Variants in FAM169A observed in about 807,000 individuals in gnomAD.
FAM169A encodes the protein soluble lamin-associated protein of 75 kDa.
A neutral mutation model predicts 75.7 loss-of-function variants in FAM169A; 24 were observed. The ratio of observed to expected loss-of-function variants is 0.32; its 90% confidence interval spans 0.23 to 0.45. The LOEUF (loss-of-function observed/expected upper bound fraction) is 0.45. Among genes scored for constraint, FAM169A ranks in the 20% least tolerant of loss-of-function variants. The pLI, the probability that FAM169A is intolerant of heterozygous loss-of-function variation, is 1.00. For missense variants in FAM169A, 673 were observed against 784.0 expected, an observed-to-expected ratio of 0.86 and a Z score of 1.69; for synonymous variants, 271 against 271.0, an observed-to-expected ratio of 1.00 and a Z score of 0.00.
chr5:74,836,133 G>A (rs1580144656), intron 4 of FAM169A, among the ~76,000 whole-genome samples: 1 of 152,172 alleles, frequency 6.6e-6, no homozygotes, highest in Non-Finnish European at 1.5e-5. Flanking sequence ...AGACAATGGG[G>A]CTTTTCTATA....
At chr5:74,799,449 C>T in intron 10 of FAM169A, 2 of 1,612,592 alleles carry the variant, frequency 1.2e-6, no homozygotes, top group Non-Finnish European at 1.7e-6. Flanking sequence ...ATTGGCATCC[C>T]AACAATGTTT....
rs1027193737 is a variant in FAM169A, at chr5:74,778,518, T to C, written c.*2942A>G. ...ATGACTAGATGTTTTCCTTACCATC[T>C]ACACTGAATGGAAATACCATGAATA... On this transcript the variant is annotated 3_prime_UTR_variant, in exon 13 of 13. Coordinates refer to ENST00000687041, the MANE Select transcript of FAM169A (RefSeq NM_001376049.1). The C allele has an allele frequency of 2.0e-5, 3 of 152,038 alleles. No homozygotes were observed. The highest frequency in any genetic ancestry group is 1.3e-4 in the Admixed American group (2 of 15,258). 9.4% of individuals were successfully genotyped at this position (152,038 alleles called of 1,614,324 possible).
chr5:74,817,700 C>A (rs1019337405), intron 5 of FAM169A, among the ~76,000 whole-genome samples: 12 of 152,026 alleles, frequency 7.9e-5, no homozygotes, highest in Non-Finnish European at 1.8e-4. Flanking sequence ...GCCCAAATAG[C>A]CAAAATAATC....
At chr5:74,797,538 T>G (rs1746343539) in intron 10 of FAM169A, among the ~76,000 whole-genome samples, 1 of 152,228 alleles carries the variant, frequency 6.6e-6, no homozygotes, top group Admixed American at 6.5e-5. Flanking sequence ...CCCTCCTAGC[T>G]TTGTGCCTTT....
chr5:74,837,628 T>C (rs1030934968), intron 4 of FAM169A, among the ~76,000 whole-genome samples: 3 of 152,248 alleles, frequency 2.0e-5, no homozygotes, highest in African/African-American at 7.2e-5. Flanking sequence ...CAAGTTTTGT[T>C]TTTCTGTGAA....
chr5:74,779,522 A>G lies in FAM169A; in HGVS notation c.*1938T>C, dbSNP rs1745302046. 1 of 152,140 alleles carries G rather than the reference A, an allele frequency of 6.6e-6. No individual in the cohort carries two copies. The allele number at this position is 152,140 out of a possible 1,614,324, so 9.4% of individuals were successfully genotyped here. On this transcript the variant is annotated 3_prime_UTR_variant, in exon 13 of 13. Transcript: ENST00000687041. ...CATGTAAAGATTAAGAATTTACTGA[A>G]TCTTAACAGAGTATTTCCCTTTGTG...
At chr5:74,802,358 G>A (rs972477406) in intron 8 of FAM169A, among the ~76,000 whole-genome samples, 2 of 150,834 alleles carry the variant, frequency 1.3e-5, no homozygotes, top group Admixed American at 6.6e-5. Flanking sequence ...TGATACTTTC[G>A]AATCACAAAT....
chr5:74,813,210 G>A (rs1747296986), intron 6 of FAM169A, among the ~76,000 whole-genome samples: 1 of 152,166 alleles, frequency 6.6e-6, no homozygotes, highest in South Asian at 2.1e-4. Flanking sequence ...TCTTTTTGGA[G>A]TGATAAGAAT....
rs1745381361 is a variant in FAM169A, at chr5:74,780,934, TTC to T, written c.*524_*525del. 1 of 152,314 alleles carries T rather than the reference TTC, an allele frequency of 6.6e-6. No homozygotes were observed. Among genetic ancestry groups the T allele is most frequent in the Admixed American group, 6.5e-5 (1 of 15,294 alleles). The allele number at this position is 152,314 out of a possible 1,614,324, so 9.4% of individuals were successfully genotyped here. On this transcript the variant is annotated 3_prime_UTR_variant, in exon 13 of 13. Coordinates refer to ENST00000687041, the MANE Select transcript of FAM169A (RefSeq NM_001376049.1). ...TCTTCATGAACCTTTGACCGTAAGT[TTC>T]TGTTTTTGTGCTCTCATTTACTTGA... is the stretch of plus-strand genomic sequence containing the variant.
chr5:74,847,806 G>GA (rs1055976462), intron 1 of FAM169A, among the ~76,000 whole-genome samples: 3 of 151,968 alleles, frequency 2.0e-5, no homozygotes, highest in African/African-American at 4.8e-5. Context: ...TTTTTTAACA[G>GA]AAAAAATGAC....
intron 11 of FAM169A, among the ~76,000 whole-genome samples, chr5:74,795,232 T>C (rs1006822825): frequency 4.6e-5 from 7 of 152,160 alleles, no homozygotes; most frequent in Admixed American, 3.9e-4. Flanking sequence ...CACTCCAGCC[T>C]GGGTGCAAAG....
chr5:74,789,191 T>C lies in FAM169A; in HGVS notation c.1261-6057A>G, dbSNP rs547940577. ...CAAGTTATCACACTGGCCCATAACA[T>C]TGATGACATTATGCTGATTGGATCC... On this transcript the variant is annotated intron_variant, in intron 11 of 12. Coordinates refer to ENST00000687041, the MANE Select transcript of FAM169A (RefSeq NM_001376049.1). Among the ~76,000 whole-genome samples the C allele has an allele frequency of 6.6e-5, 10 of 152,328 alleles. No homozygotes were observed. In the East Asian group the frequency reaches 1.7e-3, roughly 26 times the overall value.
At chr5:74,801,119 T>C in intron 9 of FAM169A, 89 bp from the exon 10 acceptor site, 2 of 976,632 alleles carry the variant, frequency 2.0e-6, no homozygotes, top group Non-Finnish European at 2.9e-6. Context: ...AGAACTACAC[T>C]AGTTTACACA....
At chr5:74,822,661 G>T (rs1002133475) in intron 5 of FAM169A, among the ~76,000 whole-genome samples, 1 of 152,058 alleles carries the variant, frequency 6.6e-6, no homozygotes, top group African/African-American at 2.4e-5. Context: ...TCTCATCCAC[G>T]CTGTAAAATT....
At position 74,781,891 on chromosome 5, in the gene FAM169A, C is replaced by T; in HGVS notation, c.1582G>A (p.Asp528Asn). ...TCATTTGACATAGTAGCAACATTGT[C>T]TGAACTCCCAAGATGTGCTTTCTTT... ...PRKKAHLGSS[D>N]NVATMSNEER... Residue 528 changes from aspartate to asparagine, a missense_variant, in exon 13 of 13, where the codon GAC becomes AAC. By Grantham distance (23) the Asp-to-Asn change is conservative. Around this residue, in one of 3 missense-constraint regions of FAM169A, gnomAD observed 510 missense variants for 550.9 expected, o/e 0.93. Coordinates refer to ENST00000687041, the MANE Select transcript of FAM169A (RefSeq NM_001376049.1). 6.2e-7 allele frequency: 1 copy of T among 1,614,112 alleles called. No homozygotes were observed. The highest frequency in any genetic ancestry group is 8.5e-7 in the Non-Finnish European group (1 of 1,179,988).
intron 5 of FAM169A, among the ~76,000 whole-genome samples, chr5:74,821,397 A>G (rs917771772): frequency 7.2e-5 from 11 of 152,238 alleles, no homozygotes; most frequent in African/African-American, 2.7e-4. Flanking sequence ...ATCACCATTC[A>G]TTCTTTGTCC....
chr5:74,805,293 C>G lies in FAM169A; in HGVS notation c.671-9G>C. On this transcript the variant is annotated splice_polypyrimidine_tract_variant and intron_variant, in intron 6 of 12. Transcript: ENST00000687041. Reference sequence around the variant, plus strand: ...AAAGTATTGCTTGCAAGCTGAAAAACACATTTAGAATTTTCTAGAAATCCC... The same window carrying G: ...AAAGTATTGCTTGCAAGCTGAAAAAGACATTTAGAATTTTCTAGAAATCCC... 1 of 1,607,300 alleles carries G rather than the reference C, an allele frequency of 6.2e-7. No individual in the cohort carries two copies. The highest frequency in any genetic ancestry group is 1.1e-5 in the South Asian group (1 of 89,122).
At chr5:74,844,437 G>A (rs915380392) in intron 1 of FAM169A, among the ~76,000 whole-genome samples, 10 of 152,046 alleles carry the variant, frequency 6.6e-5, no homozygotes, top group Non-Finnish European at 1.5e-4. Flanking sequence ...GGGTAACACA[G>A]TGGGACCTTG....
intron 6 of FAM169A, among the ~76,000 whole-genome samples, chr5:74,812,407 G>A (rs545203867): frequency 6.0e-5 from 9 of 150,898 alleles, no homozygotes; most frequent in South Asian, 2.1e-4. Context: ...AATTACAGGC[G>A]TGAGCCACCA....
Sources: allele counts gnomAD v4.1 joint callset (sites outside exome capture counted in the v4.1 genomes callset), GRCh38; gene constraint gnomAD v4.1.1; regional missense constraint gnomAD v4.1.1; transcripts MANE v1.5; gene names NCBI Gene and HGNC (gene_info 2026-07-23, HGNC 2026-07-21).